The following LGR4 variants were observed in gnomAD, a reference collection of about 807,000 sequenced individuals.
LGR4 encodes leucine rich repeat containing G protein-coupled receptor 4, also known as leucine-rich repeat-containing G protein-coupled receptor 4.
Under a neutral mutation model 84.8 loss-of-function variants are expected in LGR4, and 44 were observed. That is an observed-to-expected ratio of 0.52 (90% CI 0.41 to 0.67). LGR4 has a LOEUF of 0.67. LGR4 is among the 30% of genes least tolerant of loss of function. LGR4 has a pLI of 0.00. For missense variants in LGR4, 1,032 were observed against 1,131.4 expected, an observed-to-expected ratio of 0.91 and a Z score of 1.26; for synonymous variants, 429 against 434.3, an observed-to-expected ratio of 0.99 and a Z score of 0.15.
intron 1 of LGR4, among the ~76,000 whole-genome samples, chr11:27,450,672 C>T (rs1019818602): frequency 1.3e-5 from 2 of 152,080 alleles, no homozygotes; most frequent in Admixed American, 1.3e-4. Flanking sequence ...CCTGTAATCC[C>T]ACCTACTCGG....
chr11:27,431,571 G>A (rs2133421663), intron 1 of LGR4, among the ~76,000 whole-genome samples: 1 of 152,324 alleles, frequency 6.6e-6, no homozygotes, highest in East Asian at 1.9e-4. Flanking sequence ...TAAATGGTCT[G>A]CTGTTTTTCA....
Position 27,371,676 on chromosome 11 carries a change from G to C in LGR4, c.1518C>G (p.Val506=), listed in dbSNP as rs749231263. The C allele has an allele frequency of 2.5e-6, 4 of 1,612,470 alleles. No individual in the cohort carries two copies. In the Admixed American group the frequency reaches 6.7e-5, roughly 27 times the overall value. Residue 506 remains valine, a synonymous_variant, in exon 17 of 18, where the codon GTC becomes GTG. Transcript: ENST00000379214. ...QEKGTADAAN[V]TSTLENEEHS... ...GTTCTTCATTTTCAAGAGTGCTTGT[G>C]ACATTTGCTGCATCAGCAGTACCTG...
At chr11:27,464,926 A>G (rs1864750348) in intron 1 of LGR4, among the ~76,000 whole-genome samples, 1 of 152,194 alleles carries the variant, frequency 6.6e-6, no homozygotes, top group Admixed American at 6.5e-5. Context: ...GTGTCAATCT[A>G]GAAAACACAA....
intron 4 of LGR4, among the ~76,000 whole-genome samples, chr11:27,389,874 C>T (rs1863250084): frequency 6.6e-6 from 1 of 152,108 alleles, no homozygotes; most frequent in Non-Finnish European, 1.5e-5. Context: ...CTAGAACATA[C>T]CCAATTAGCT....
At position 27,367,134 on chromosome 11, in the gene LGR4, T is replaced by C. The variant is rs1197786390; in HGVS notation, c.*733A>G. On this transcript the variant is annotated 3_prime_UTR_variant, in exon 18 of 18. Transcript: ENST00000379214. ...TAAACCCACACAGCAATTAGCCTTT[T>C]ACTTTTTTTCTAGTAGTGTAATCAC... 4.6e-5 allele frequency: 7 copies of C among 152,344 alleles called. No individual in the cohort carries two copies. Among genetic ancestry groups the C allele is most frequent in the Admixed American group, 3.9e-4 (6 of 15,304 alleles). The allele number at this position is 152,344 out of a possible 1,614,324, so 9.4% of individuals were successfully genotyped here.
intron 1 of LGR4, among the ~76,000 whole-genome samples, chr11:27,414,037 A>C (rs1203036145): frequency 6.6e-6 from 1 of 152,094 alleles, no homozygotes; most frequent in Non-Finnish European, 1.5e-5. Flanking sequence ...AGCAACAAAA[A>C]CAGCAGGAGC....
intron 1 of LGR4, among the ~76,000 whole-genome samples, chr11:27,446,391 T>A (rs990829527): frequency 1.3e-5 from 2 of 152,134 alleles, no homozygotes; most frequent in African/African-American, 4.8e-5. Flanking sequence ...AACAGACACT[T>A]CTCAAAAGAA....
chr11:27,368,678 A>T lies in LGR4; in HGVS notation c.2045T>A (p.Phe682Tyr), dbSNP rs1862817676. 6.2e-7 allele frequency: 1 copy of T among 1,613,564 alleles called. No individual in the cohort carries two copies. Among genetic ancestry groups the T allele is most frequent in the Non-Finnish European group, 8.5e-7 (1 of 1,179,728 alleles). ...TGATGCAGAATATTCCCCTCTATGG[A>T]AAAGGGGAAAACAGCCTGCTACTGT... ...GATVAGCFPL[F>Y]HRGEYSASPL... The change falls in exon 18 of 18, where the codon TTC becomes TAC. Residue 682 changes from phenylalanine to tyrosine, a missense_variant. Transcript: ENST00000379214.
At chr11:27,447,024 G>A (rs1255720560) in intron 1 of LGR4, among the ~76,000 whole-genome samples, 8 of 151,264 alleles carry the variant, frequency 5.3e-5, no homozygotes, top group Admixed American at 2.0e-4. Flanking sequence ...ATCACACACC[G>A]GGGCCTGTCA....
chr11:27,439,135 G>A (rs917825703), intron 1 of LGR4, among the ~76,000 whole-genome samples: 4 of 152,082 alleles, frequency 2.6e-5, no homozygotes, highest in African/African-American at 9.7e-5. Context: ...GTACAGTTCA[G>A]TAGCATCCAT....
chr11:27,376,518 T>C (rs17244049), intron 12 of LGR4, 148 bp from the exon 13 acceptor site: 19,070 of 473,768 alleles, frequency 0.04, 491 homozygotes, highest in Non-Finnish European at 0.054. Flanking sequence ...TTGAGTTTTT[T>C]CTAAATTTAA....
chr11:27,404,664 G>A (rs1863568576), intron 2 of LGR4, among the ~76,000 whole-genome samples: 1 of 152,056 alleles, frequency 6.6e-6, no homozygotes, highest in Admixed American at 6.6e-5. Context: ...CTCAAACAGA[G>A]TGATGGTGCA....
intron 1 of LGR4, among the ~76,000 whole-genome samples, chr11:27,416,965 C>G (rs1308788377): frequency 2.6e-5 from 4 of 152,132 alleles, no homozygotes. Context: ...GATCCCTAAG[C>G]AAGCCTAACC....
chr11:27,428,566 C>T (rs1314845070), intron 1 of LGR4, among the ~76,000 whole-genome samples: 1 of 152,170 alleles, frequency 6.6e-6, no homozygotes, highest in African/African-American at 2.4e-5. Flanking sequence ...AAAGTGATTG[C>T]AGAGTCAAGA....
At chr11:27,390,317 G>A (rs1409406624) in intron 4 of LGR4, among the ~76,000 whole-genome samples, 2 of 152,014 alleles carry the variant, frequency 1.3e-5, no homozygotes, top group Non-Finnish European at 2.9e-5. Flanking sequence ...ATGTGATGTC[G>A]CTAAAACACA....
chr11:27,401,056 T>C (rs187256057), intron 2 of LGR4, among the ~76,000 whole-genome samples: 1 of 152,326 alleles, frequency 6.6e-6, no homozygotes, highest in East Asian at 1.9e-4. Context: ...GTAAAAATTT[T>C]ATATGTTTTA....
At chr11:27,445,730 T>A (rs910794650) in intron 1 of LGR4, among the ~76,000 whole-genome samples, 3 of 151,936 alleles carry the variant, frequency 2.0e-5, no homozygotes, top group Non-Finnish European at 2.9e-5. Flanking sequence ...ATTTAAAAAT[T>A]TTTCAAGCCT....
intron 1 of LGR4, among the ~76,000 whole-genome samples, chr11:27,452,169 TCA>T (rs1864492541): frequency 6.6e-6 from 1 of 152,194 alleles, no homozygotes; most frequent in South Asian, 2.1e-4. Context: ...CCTCAGAGAC[TCA>T]GTTTCCTCAT....
intron 1 of LGR4, among the ~76,000 whole-genome samples, chr11:27,441,806 T>C (rs1344396929): frequency 6.6e-6 from 1 of 152,170 alleles, no homozygotes; most frequent in East Asian, 1.9e-4. Context: ...TCAAAAGGAT[T>C]GTCCATGTTG....
Sources: gnomAD v4.1 joint callset for allele counts (sites outside exome capture counted in the v4.1 genomes callset) on GRCh38, gnomAD v4.1.1 for gene constraint, MANE v1.5 for transcripts, NCBI Gene and HGNC (gene_info 2026-07-23, HGNC 2026-07-21) for gene names.